The following MBD5 variants were observed in gnomAD, a reference collection of about 807,000 sequenced individuals.
MBD5 encodes the protein methyl-CpG-binding domain protein 5.
Under a neutral mutation model 117.3 loss-of-function variants are expected in MBD5, and 13 were observed. That is an observed-to-expected ratio of 0.11 (90% confidence interval 0.07 to 0.18). MBD5 has a LOEUF of 0.18. Ranked by LOEUF, MBD5 falls within the 10% of genes least tolerant of loss-of-function variation. MBD5 has a pLI of 1.00. For synonymous variants in MBD5, 727 were observed against 766.4 expected, an observed-to-expected ratio of 0.95 and a Z score of 0.85; for missense variants, 1,879 against 2,093.8, an observed-to-expected ratio of 0.90 and a Z score of 2.00.
At chr2:148,056,197 T>A (rs1176568068) in intron 1 of MBD5, 1 of 152,180 alleles carries the variant, frequency 6.6e-6, no homozygotes, top group African/African-American at 2.4e-5. Context: ...TTTTATATAT[T>A]TGTTTAGAAA....
intron 4 of MBD5, among the ~76,000 whole-genome samples, chr2:148,446,560 T>C (rs751957552): frequency 6.6e-6 from 1 of 151,178 alleles, no homozygotes; most frequent in Non-Finnish European, 1.5e-5. Flanking sequence ...ACACAGACCA[T>C]CTATATTTAC....
intron 4 of MBD5, among the ~76,000 whole-genome samples, chr2:148,359,095 C>T (rs966388361): frequency 6.6e-6 from 1 of 152,004 alleles, no homozygotes; most frequent in African/African-American, 2.4e-5. Flanking sequence ...AACCCCATCT[C>T]TACTAAAAAT....
intron 3 of MBD5, among the ~76,000 whole-genome samples, chr2:148,271,336 C>T (rs1361563215): frequency 1.3e-5 from 2 of 152,056 alleles, no homozygotes; most frequent in African/African-American, 4.8e-5. Context: ...GAATTATGTT[C>T]TCTGTTATAT....
At chr2:148,402,484 A>T (rs973192871) in intron 4 of MBD5, among the ~76,000 whole-genome samples, 1 of 152,108 alleles carries the variant, frequency 6.6e-6, no homozygotes, top group Admixed American at 6.5e-5. Flanking sequence ...ACAACCACCA[A>T]AAGTTTTCTT....
At chr2:148,092,277 A>G (rs1695962929) in intron 1 of MBD5, among the ~76,000 whole-genome samples, 1 of 152,246 alleles carries the variant, frequency 6.6e-6, no homozygotes, top group Admixed American at 6.5e-5. Flanking sequence ...AACTAAAAGT[A>G]GAACTACCAT....
chr2:148,214,228 A>C (rs1699498022), intron 2 of MBD5, among the ~76,000 whole-genome samples: 1 of 152,206 alleles, frequency 6.6e-6, no homozygotes, highest in Non-Finnish European at 1.5e-5. Context: ...CTTGAGACCC[A>C]GGTCTTTGTG....
chr2:148,446,430 C>T (rs1286317553), intron 4 of MBD5, among the ~76,000 whole-genome samples: 2 of 151,980 alleles, frequency 1.3e-5, no homozygotes, highest in Non-Finnish European at 2.9e-5. Context: ...GAACAATAGT[C>T]TGGATATGAA....
At chr2:148,062,150 T>C (rs1042854027) in intron 1 of MBD5, 1 of 151,906 alleles carries the variant, frequency 6.6e-6, no homozygotes, top group South Asian at 2.1e-4. Flanking sequence ...TCTCTTTTTG[T>C]TGCCATCTTA....
intron 2 of MBD5, among the ~76,000 whole-genome samples, chr2:148,197,794 G>GTTTTTTTTTTTTTTTTT (rs56029734): frequency 1.9e-5 from 2 of 102,574 alleles, no homozygotes; most frequent in Non-Finnish European, 3.9e-5. Flanking sequence ...AGCATCTGAG[G>GTTTTTTTTTTTTTTTTT]TTTTTTTTTT....
At chr2:148,312,236 A>T (rs1222051005) in intron 3 of MBD5, among the ~76,000 whole-genome samples, 1 of 152,136 alleles carries the variant, frequency 6.6e-6, no homozygotes, top group Admixed American at 6.5e-5. Context: ...TAATATCCTG[A>T]GGAGTGTTTT....
intron 3 of MBD5, among the ~76,000 whole-genome samples, chr2:148,320,635 C>T (rs1217868569): frequency 2.0e-5 from 3 of 152,144 alleles, no homozygotes; most frequent in Non-Finnish European, 4.4e-5. Context: ...GGACTATAGG[C>T]ATGAGCCACC....
At chr2:148,239,110 T>A (rs1280649278) in intron 3 of MBD5, among the ~76,000 whole-genome samples, 4 of 151,882 alleles carry the variant, frequency 2.6e-5, no homozygotes, top group African/African-American at 9.7e-5. Flanking sequence ...GAGAATAGAA[T>A]TAGAAAAGAA....
chr2:148,417,298 T>C (rs1336499131), intron 4 of MBD5, among the ~76,000 whole-genome samples: 1 of 148,382 alleles, frequency 6.7e-6, no homozygotes, highest in African/African-American at 2.5e-5. Context: ...CTTTTTTTTT[T>C]TTTTTTTTTT....
chr2:148,330,105 A>ACACACACACACACG (rs2105040783), intron 3 of MBD5, among the ~76,000 whole-genome samples: 1 of 128,198 alleles, frequency 7.8e-6, no homozygotes, highest in African/African-American at 2.9e-5. Context: ...ACACACACAC[A>ACACACACACACACG]CACACACACA....
chr2:148,398,751 G>A (rs2105064436), intron 4 of MBD5, among the ~76,000 whole-genome samples: 1 of 152,304 alleles, frequency 6.6e-6, no homozygotes, highest in Non-Finnish European at 1.5e-5. Flanking sequence ...GAATGGTATT[G>A]CCTAGGTTTT....
chr2:148,475,531 CAG>C (rs1378133756), intron 8 of MBD5, among the ~76,000 whole-genome samples: 1 of 151,980 alleles, frequency 6.6e-6, no homozygotes, highest in Non-Finnish European at 1.5e-5. Flanking sequence ...TAACAGAACT[CAG>C]AGTGGTGATA....
intron 1 of MBD5, among the ~76,000 whole-genome samples, chr2:148,030,705 A>G (rs554789498): frequency 3.1e-4 from 47 of 152,330 alleles, no homozygotes; most frequent in Non-Finnish European, 1.8e-4. Context: ...ATTTGTAGCA[A>G]TAAGCTTATA....
At chr2:148,030,500 CATACA>C (rs1694008323) in intron 1 of MBD5, among the ~76,000 whole-genome samples, 1 of 152,110 alleles carries the variant, frequency 6.6e-6, no homozygotes, top group South Asian at 2.1e-4. Flanking sequence ...TGTTTACATC[CATACA>C]ATACATTTTT....
At chr2:148,374,497 T>C (rs1302011843) in intron 4 of MBD5, among the ~76,000 whole-genome samples, 1 of 152,216 alleles carries the variant, frequency 6.6e-6, no homozygotes, top group Non-Finnish European at 1.5e-5. Flanking sequence ...CCATAAATTA[T>C]AGTTAGTTAG....
Sources: gnomAD v4.1 joint callset for allele counts (sites outside exome capture counted in the v4.1 genomes callset) on GRCh38, gnomAD v4.1.1 for gene constraint, MANE v1.5 for transcripts, NCBI Gene and HGNC (gene_info 2026-07-23, HGNC 2026-07-21) for gene names.